Variants in HSD17B12 observed in about 807,000 individuals in gnomAD.
HSD17B12 encodes hydroxysteroid 17-beta dehydrogenase 12.
In HSD17B12, 32 loss-of-function variants were observed where a neutral mutation model predicts 39.3. That is an observed-to-expected ratio of 0.81 (90% CI 0.61 to 1.09). HSD17B12 has a LOEUF of 1.09. HSD17B12 is among the 50% of genes least tolerant of loss of function. The pLI is 0.00. For missense variants in HSD17B12, 342 were observed against 382.9 expected (o/e 0.89, Z 0.89); for synonymous variants, 150 against 146.7 (o/e 1.02, Z -0.16).
chr11:43,651,216 G>A, the HSD17B12 span, among the ~76,000 whole-genome samples: 4 of 152,196 alleles, frequency 2.6e-5, no homozygotes, highest in Non-Finnish European at 5.9e-5. Context: ...AAAGGGAGAG[G>A]ATAATGGAGA....
the HSD17B12 span, among the ~76,000 whole-genome samples, chr11:43,669,982 T>C: frequency 6.6e-6 from 1 of 152,174 alleles, no homozygotes; most frequent in African/African-American, 2.4e-5. Context: ...TGGAATACAC[T>C]GGGGAACAAC....
chr11:43,825,850 G>A (rs1466995871), intron 6 of HSD17B12, among the ~76,000 whole-genome samples: 5 of 152,140 alleles, frequency 3.3e-5, no homozygotes, highest in African/African-American at 1.2e-4. Flanking sequence ...GATTGGTACT[G>A]ATGTTGCTTT....
intron 1 of HSD17B12, among the ~76,000 whole-genome samples, chr11:43,740,333 T>G (rs1346258692): frequency 6.6e-6 from 1 of 152,174 alleles, no homozygotes; most frequent in African/African-American, 2.4e-5. Flanking sequence ...GAGCAAATAT[T>G]CTTATAATGA....
intron 1 of HSD17B12, among the ~76,000 whole-genome samples, chr11:43,741,363 TA>T (rs1185194240): frequency 6.6e-6 from 1 of 152,190 alleles, no homozygotes; most frequent in African/African-American, 2.4e-5. Context: ...AACACTGATT[TA>T]AACAAGACTA....
intron 9 of HSD17B12, among the ~76,000 whole-genome samples, chr11:43,845,657 A>C (rs1222859767): frequency 6.6e-6 from 1 of 152,190 alleles, no homozygotes; most frequent in Non-Finnish European, 1.5e-5. Context: ...TCACATATGT[A>C]TGTGATGTTG....
chr11:43,706,570 A>C (rs1950016973), intron 1 of HSD17B12, among the ~76,000 whole-genome samples: 1 of 152,146 alleles, frequency 6.6e-6, no homozygotes, highest in African/African-American at 2.4e-5. Flanking sequence ...TCAGTCTGTG[A>C]AGACTTTGGT....
intron 1 of HSD17B12, among the ~76,000 whole-genome samples, chr11:43,681,906 T>A (rs879546708): frequency 1.3e-5 from 2 of 149,930 alleles, no homozygotes; most frequent in Non-Finnish European, 3.0e-5. Flanking sequence ...CTTTTTTCCC[T>A]TTAAACCGAG....
the HSD17B12 span, among the ~76,000 whole-genome samples, chr11:43,591,943 C>T: frequency 7.9e-5 from 12 of 151,980 alleles, no homozygotes; most frequent in African/African-American, 2.9e-4. Flanking sequence ...GCACCACTTT[C>T]TTCTGCTATT....
chr11:43,623,344 C>T, the HSD17B12 span, among the ~76,000 whole-genome samples: 1 of 151,390 alleles, frequency 6.6e-6, no homozygotes, highest in African/African-American at 2.4e-5. Context: ...TCTAGTTAGC[C>T]ATTAGCCATT....
intron 1 of HSD17B12, among the ~76,000 whole-genome samples, chr11:43,710,308 G>T (rs778339151): frequency 1.3e-5 from 2 of 152,108 alleles, no homozygotes; most frequent in Non-Finnish European, 2.9e-5. Flanking sequence ...TTAAAATTTA[G>T]GCACATACAG....
At chr11:43,620,893 T>C in the HSD17B12 span, among the ~76,000 whole-genome samples, 1 of 152,208 alleles carries the variant, frequency 6.6e-6, no homozygotes, top group Non-Finnish European at 1.5e-5. Flanking sequence ...TAATGTAGGT[T>C]ACCAATAATG....
At chr11:43,811,481 G>GT (rs1386379959) in intron 4 of HSD17B12, among the ~76,000 whole-genome samples, 1 of 152,078 alleles carries the variant, frequency 6.6e-6, no homozygotes, top group African/African-American at 2.4e-5. Flanking sequence ...CTTTAACATT[G>GT]TTTTATTGTG....
the HSD17B12 span, among the ~76,000 whole-genome samples, chr11:43,632,238 A>G: frequency 6.6e-6 from 1 of 152,182 alleles, no homozygotes; most frequent in African/African-American, 2.4e-5. Flanking sequence ...CTTCATCTAT[A>G]GAGTAAATGA....
At position 43,680,744 on chromosome 11, in the gene HSD17B12, C is replaced by T; in HGVS notation, c.-84C>T. 5 of 1,270,602 alleles carry T rather than the reference C, an allele frequency of 3.9e-6. No homozygotes were observed. Among genetic ancestry groups the T allele is most frequent in the Non-Finnish European group, 5.7e-6 (5 of 871,768 alleles). 78.7% of individuals were successfully genotyped at this position (1,270,602 alleles called of 1,614,324 possible). A position where few individuals can be genotyped will look rare whatever the true frequency, so the allele number is the denominator to read the frequency against. ...CGGAGCAGCGCCTATTAGTGTCATC[C>T]TCACCGTCACGGCCGGCGCCTCCTC... On this transcript the variant is annotated 5_prime_UTR_variant, in exon 1 of 11. Transcript: ENST00000278353.
intron 3 of HSD17B12, 117 bp from the exon 4 acceptor site, chr11:43,798,203 G>A: frequency 1.6e-6 from 1 of 640,220 alleles, no homozygotes; most frequent in South Asian, 1.7e-5. Flanking sequence ...TGTAAATTTT[G>A]TATCAAATTG....
At chr11:43,616,299 T>C in the HSD17B12 span, among the ~76,000 whole-genome samples, 1 of 151,524 alleles carries the variant, frequency 6.6e-6, no homozygotes, top group African/African-American at 2.4e-5. Context: ...TCCCAGCTAC[T>C]CTGGAGGCTA....
At chr11:43,625,576 T>TTA in the HSD17B12 span, among the ~76,000 whole-genome samples, 1 of 151,460 alleles carries the variant, frequency 6.6e-6, no homozygotes, top group East Asian at 1.9e-4. Flanking sequence ...ATAAGACATT[T>TTA]TATCACATGT....
At chr11:43,731,684 GAATTT>G (rs1438058813) in intron 1 of HSD17B12, among the ~76,000 whole-genome samples, 1 of 152,192 alleles carries the variant, frequency 6.6e-6, no homozygotes, top group Non-Finnish European at 1.5e-5. Context: ...CCTCCCACCA[GAATTT>G]GGAAACAGAT....
chr11:43,650,944 G>GA, the HSD17B12 span, among the ~76,000 whole-genome samples: 1 of 152,270 alleles, frequency 6.6e-6, no homozygotes, highest in East Asian at 1.9e-4. Context: ...CAGTTGGATT[G>GA]AAAAAACAGG....
Sources: allele counts gnomAD v4.1 joint callset (sites outside exome capture counted in the v4.1 genomes callset), GRCh38; gene constraint gnomAD v4.1.1; transcripts MANE v1.5; gene names NCBI Gene and HGNC (gene_info 2026-07-23, HGNC 2026-07-21).